Variants in CUX1 observed in about 807,000 individuals in gnomAD.
The protein encoded by CUX1 is cut like homeobox 1.
Under a neutral mutation model 158.8 loss-of-function variants are expected in CUX1, and 31 were observed. The observed-to-expected ratio is 0.20, with a 90% CI of 0.15 to 0.26. The LOEUF is 0.26. Among genes scored for constraint, CUX1 ranks in the 10% least tolerant of loss-of-function variants. The pLI is 1.00. For missense variants in CUX1, 1,589 were observed against 2,014.6 expected, an observed-to-expected ratio of 0.79 and a Z score of 4.04; for synonymous variants, 879 against 862.1, an observed-to-expected ratio of 1.02 and a Z score of -0.34.
intron 1 of CUX1, among the ~76,000 whole-genome samples, chr7:101,882,725 A>G (rs867579896): frequency 3.9e-5 from 6 of 152,138 alleles, no homozygotes; most frequent in Admixed American, 1.3e-4. Context: ...AGGGGCCAAC[A>G]CAGGAATCTG....
intron 11 of CUX1, among the ~76,000 whole-genome samples, chr7:102,184,192 C>T (rs1435966293): frequency 6.6e-6 from 1 of 152,164 alleles, no homozygotes; most frequent in Non-Finnish European, 1.5e-5. Context: ...AACACCATGC[C>T]CTGCAGTAGA....
At chr7:102,105,862 A>G (rs1377623432) in intron 6 of CUX1, among the ~76,000 whole-genome samples, 1 of 151,780 alleles carries the variant, frequency 6.6e-6, no homozygotes, top group Non-Finnish European at 1.5e-5. Context: ...ATTAAGTTTT[A>G]TACCCGCTCC....
At chr7:102,107,378 A>G (rs1399293012) in intron 6 of CUX1, among the ~76,000 whole-genome samples, 1 of 151,904 alleles carries the variant, frequency 6.6e-6, no homozygotes, top group African/African-American at 2.4e-5. Context: ...ATCTCTACTG[A>G]AAAAATACAA....
chr7:102,069,682 A>G (rs1315032015), intron 3 of CUX1, among the ~76,000 whole-genome samples: 1 of 152,194 alleles, frequency 6.6e-6, no homozygotes, highest in Non-Finnish European at 1.5e-5. Context: ...TGGGAGGCAG[A>G]GGTTGCAGTG....
chr7:101,963,560 T>C (rs1431966683), intron 2 of CUX1, among the ~76,000 whole-genome samples: 6 of 152,162 alleles, frequency 3.9e-5, no homozygotes, highest in Non-Finnish European at 8.8e-5. Context: ...AGAGCTGAGT[T>C]CTGGCCTGAT....
chr7:102,171,921 G>A (rs562874938), intron 10 of CUX1, among the ~76,000 whole-genome samples: 144 of 152,286 alleles, frequency 9.5e-4, no homozygotes, highest in Non-Finnish European at 1.5e-3. Flanking sequence ...CAGTGACTCC[G>A]TCAAGCCCTT....
chr7:102,007,474 C>T (rs566044949), intron 2 of CUX1, among the ~76,000 whole-genome samples: 3 of 151,864 alleles, frequency 2.0e-5, no homozygotes, highest in Non-Finnish European at 4.4e-5. Flanking sequence ...GGCCTGGGTT[C>T]TCTGTGGAAG....
chr7:101,873,542 T>C (rs1027438004), intron 1 of CUX1, among the ~76,000 whole-genome samples: 4 of 152,126 alleles, frequency 2.6e-5, no homozygotes, highest in Admixed American at 6.5e-5. Flanking sequence ...TCTTTCCTTA[T>C]TTTAAATATT....
chr7:102,094,351 G>T (rs1828962118), intron 4 of CUX1, among the ~76,000 whole-genome samples: 1 of 152,160 alleles, frequency 6.6e-6, no homozygotes, highest in Admixed American at 6.5e-5. Flanking sequence ...TGCTACATAG[G>T]CATTAACCTT....
intron 1 of CUX1, among the ~76,000 whole-genome samples, chr7:101,878,973 C>T (rs1232991557): frequency 6.6e-6 from 1 of 152,082 alleles, no homozygotes; most frequent in Non-Finnish European, 1.5e-5. Flanking sequence ...CACCCAGTCA[C>T]GAGATCTTAA....
chr7:101,976,810 A>G (rs1461421490), intron 2 of CUX1, among the ~76,000 whole-genome samples: 1 of 152,018 alleles, frequency 6.6e-6, no homozygotes, highest in East Asian at 1.9e-4. Flanking sequence ...GGGGAAACAA[A>G]AGTAGCTCCA....
chr7:101,878,256 T>C (rs561020813), intron 1 of CUX1, among the ~76,000 whole-genome samples: 1 of 152,206 alleles, frequency 6.6e-6, no homozygotes, highest in Non-Finnish European at 1.5e-5. Flanking sequence ...CCCCTCCCCT[T>C]GGTTATTTTA....
intron 4 of CUX1, among the ~76,000 whole-genome samples, chr7:102,096,313 G>A (rs1054204778): frequency 9.2e-5 from 14 of 151,964 alleles, no homozygotes; most frequent in African/African-American, 3.4e-4. Context: ...AGTGAAGGAG[G>A]ATCGTAATGG....
At chr7:102,282,681 C>T (rs782199162) in intron 21 of CUX1, 31 of 1,607,786 alleles carry the variant, frequency 1.9e-5, no homozygotes, top group East Asian at 1.6e-4. Context: ...TTGAGGCGAA[C>T]GGGCAGCTCA....
chr7:102,254,404 C>G lies in CUX1; in HGVS notation c.*5362C>G. On this transcript the variant is annotated 3_prime_UTR_variant, in exon 24 of 24. Coordinates refer to ENST00000292535, the MANE Select transcript of CUX1 (RefSeq NM_181552.4). ...ACTCCTTTGCAAACATCAAACATCTCAAAGACGGAAAAGGATAGATGGCTT... is the reference window on the plus strand; with the variant it reads ...ACTCCTTTGCAAACATCAAACATCTGAAAGACGGAAAAGGATAGATGGCTT... 1 of 985,494 alleles carries G rather than the reference C, an allele frequency of 1.0e-6. No individual in the cohort carries two copies. The highest frequency in any genetic ancestry group is 1.2e-6 in the Non-Finnish European group (1 of 829,988). 61.0% of individuals were successfully genotyped at this position (985,494 alleles called of 1,614,324 possible).
chr7:102,216,056 C>A (rs1797010188), intron 20 of CUX1, among the ~76,000 whole-genome samples: 1 of 152,174 alleles, frequency 6.6e-6, no homozygotes, highest in Non-Finnish European at 1.5e-5. Context: ...ATAATCCCAG[C>A]ACTTTGGGAG....
chr7:102,169,089 A>G (rs1199343692), intron 9 of CUX1, among the ~76,000 whole-genome samples: 1 of 151,902 alleles, frequency 6.6e-6, no homozygotes, highest in Non-Finnish European at 1.5e-5. Flanking sequence ...ATGTGCCACC[A>G]TGCCCAGCTC....
rs534396341 is a variant in CUX1 at position 101,871,582 on chromosome 7, A to G, written c.31-44533A>G. Among the ~76,000 whole-genome samples, 208 of 152,138 alleles carry G rather than the reference A, an allele frequency of 1.4e-3. 1 individual carries two copies. Among genetic ancestry groups the G allele is most frequent in the Admixed American group, 3.0e-3 (46 of 15,254 alleles). On this transcript the variant is annotated intron_variant, in intron 1 of 23. Transcript: ENST00000292535. Reference sequence around the variant, plus strand: ...AGGAGTGTCTGTTGTCATATATTCCATGGGAGTGCAAGAGCCGGAAGGATG... The same window carrying G: ...AGGAGTGTCTGTTGTCATATATTCCGTGGGAGTGCAAGAGCCGGAAGGATG...
rs898898764 is a variant in CUX1, at chr7:102,254,680, G to C, written c.*5638G>C. 2 of 985,346 alleles carry C rather than the reference G, an allele frequency of 2.0e-6. No individual in the cohort carries two copies. The highest frequency in any genetic ancestry group is 1.1e-4 in the East Asian group (1 of 8,814). 61.0% of individuals were successfully genotyped at this position (985,346 alleles called of 1,614,324 possible). A position where few individuals can be genotyped will look rare whatever the true frequency, so the allele number is the denominator to read the frequency against. On this transcript the variant is annotated 3_prime_UTR_variant, in exon 24 of 24. Coordinates refer to ENST00000292535, the MANE Select transcript of CUX1 (RefSeq NM_181552.4). Reference sequence around the variant, plus strand: ...CATTTAGAAAGCCCTCAGTGCTTCTGTGGTTTCACCTGGGCATCGACGACA... The same window carrying C: ...CATTTAGAAAGCCCTCAGTGCTTCTCTGGTTTCACCTGGGCATCGACGACA...
Sources: allele counts gnomAD v4.1 joint callset (sites outside exome capture counted in the v4.1 genomes callset), GRCh38; gene constraint gnomAD v4.1.1; transcripts MANE v1.5; gene names NCBI Gene and HGNC (gene_info 2026-07-23, HGNC 2026-07-21).